The following ZMAT4 variants were observed in gnomAD, a reference collection of about 807,000 sequenced individuals.
ZMAT4 encodes the protein zinc finger matrin-type 4.
Under a neutral mutation model 28.7 loss-of-function variants are expected in ZMAT4, and 17 were observed. The observed-to-expected ratio is 0.59, with a 90% CI of 0.41 to 0.89. The LOEUF (loss-of-function observed/expected upper bound fraction) is 0.89. ZMAT4 is among the 40% of genes least tolerant of loss of function. The pLI is 0.00. For missense variants in ZMAT4, 240 were observed against 283.8 expected (o/e 0.85, Z 1.11); for synonymous variants, 117 against 109.2 (o/e 1.07, Z -0.44).
intron 2 of ZMAT4, among the ~76,000 whole-genome samples, chr8:40,821,245 G>A (rs957964863): frequency 2.0e-5 from 3 of 152,030 alleles, no homozygotes; most frequent in East Asian, 2.0e-4. Flanking sequence ...TGAAACTGCA[G>A]CAAACCACAC....
intron 6 of ZMAT4, among the ~76,000 whole-genome samples, chr8:40,555,798 C>A (rs1169472931): frequency 6.6e-6 from 1 of 152,072 alleles, no homozygotes; most frequent in Non-Finnish European, 1.5e-5. Flanking sequence ...TTCTATTCTT[C>A]CCCAAATCTC....
intron 2 of ZMAT4, among the ~76,000 whole-genome samples, chr8:40,775,006 A>AAG (rs1813532846): frequency 6.6e-6 from 1 of 152,218 alleles, no homozygotes; most frequent in African/African-American, 2.4e-5. Flanking sequence ...CAGAAAGACC[A>AAG]AGAGATTTTC....
At chr8:40,579,329 G>A (rs1804374423) in intron 6 of ZMAT4, among the ~76,000 whole-genome samples, 1 of 152,120 alleles carries the variant, frequency 6.6e-6, no homozygotes, top group African/African-American at 2.4e-5. Flanking sequence ...GTGTCTGTCT[G>A]CACATCAGAT....
intron 3 of ZMAT4, among the ~76,000 whole-genome samples, chr8:40,707,669 T>A (rs1810421635): frequency 6.6e-6 from 1 of 152,180 alleles, no homozygotes; most frequent in South Asian, 2.1e-4. Flanking sequence ...TGTATGTATG[T>A]CTGTGTGTAT....
intron 6 of ZMAT4, among the ~76,000 whole-genome samples, chr8:40,580,073 C>T (rs1804405536): frequency 7.1e-6 from 1 of 141,086 alleles, no homozygotes; most frequent in African/African-American, 2.6e-5. Context: ...AGTGCAGTGG[C>T]CTGATCTTGG....
chr8:40,782,639 T>G (rs746611448), intron 2 of ZMAT4, among the ~76,000 whole-genome samples: 1 of 152,128 alleles, frequency 6.6e-6, no homozygotes, highest in Non-Finnish European at 1.5e-5. Flanking sequence ...ATTCAAAAAC[T>G]ATTGCAAGAA....
rs1361013970 is a variant in ZMAT4 at position 40,886,770 on chromosome 8, C to T, written c.-5+10913G>A. Among the ~76,000 whole-genome samples, 6 of 152,124 alleles carry T rather than the reference C, an allele frequency of 3.9e-5. No homozygotes were observed. The East Asian group carries it at 7.7e-4, about 20-fold the overall frequency. ...TTCCTTTTTATTTTTCTTGATGTCTCATAACTTCTCCTTTCTCTTCCCACA... is the reference window on the plus strand; with the variant it reads ...TTCCTTTTTATTTTTCTTGATGTCTTATAACTTCTCCTTTCTCTTCCCACA... On this transcript the variant is annotated intron_variant, in intron 1 of 6. Transcript: ENST00000297737.
chr8:40,539,049 G>A (rs1476592410), intron 6 of ZMAT4, among the ~76,000 whole-genome samples: 1 of 152,164 alleles, frequency 6.6e-6, no homozygotes, highest in African/African-American at 2.4e-5. Context: ...CTCCCAAAGT[G>A]CTGGGATTAC....
At chr8:40,715,212 T>C (rs929119255) in intron 3 of ZMAT4, among the ~76,000 whole-genome samples, 1 of 151,988 alleles carries the variant, frequency 6.6e-6, no homozygotes, top group African/African-American at 2.4e-5. Flanking sequence ...GTGAGCAGCA[T>C]GTGCACAGAT....
intron 3 of ZMAT4, among the ~76,000 whole-genome samples, chr8:40,729,600 T>TC (rs1554547118): frequency 0.061 from 5,497 of 89,408 alleles, 281 homozygotes; most frequent in African/African-American, 0.13. Flanking sequence ...TTTCTTTCTT[T>TC]TTTTTTTTTT....
intron 1 of ZMAT4, among the ~76,000 whole-genome samples, chr8:40,870,412 T>C (rs1404875169): frequency 6.6e-6 from 1 of 152,236 alleles, no homozygotes; most frequent in Non-Finnish European, 1.5e-5. Flanking sequence ...CCTGTTAATC[T>C]GTCTTACGTC....
intron 5 of ZMAT4, among the ~76,000 whole-genome samples, chr8:40,585,817 T>G (rs544327929): frequency 6.6e-6 from 1 of 152,326 alleles, no homozygotes; most frequent in African/African-American, 2.4e-5. Context: ...GAGTTCTCCA[T>G]TAATCTTGTC....
At chr8:40,895,389 C>T (rs543864651) in intron 1 of ZMAT4, among the ~76,000 whole-genome samples, 2 of 152,352 alleles carry the variant, frequency 1.3e-5, no homozygotes, top group South Asian at 2.1e-4. Context: ...GCAGCAGAGG[C>T]GCTGGGTCCT....
intron 2 of ZMAT4, among the ~76,000 whole-genome samples, chr8:40,769,618 C>A (rs74755336): frequency 0.011 from 1,651 of 152,288 alleles, 21 homozygotes; most frequent in African/African-American, 0.038. Flanking sequence ...TAAGTGGGAA[C>A]AATGTGAGCT....
chr8:40,564,046 G>T (rs966041167), intron 6 of ZMAT4, among the ~76,000 whole-genome samples: 2 of 152,066 alleles, frequency 1.3e-5, no homozygotes, highest in Admixed American at 6.6e-5. Context: ...ATCTCCACCA[G>T]CCTTTTCTGA....
chr8:40,889,399 T>C (rs1006710643), intron 1 of ZMAT4, among the ~76,000 whole-genome samples: 1 of 152,326 alleles, frequency 6.6e-6, no homozygotes, highest in Non-Finnish European at 1.5e-5. Flanking sequence ...ACATGGATAG[T>C]CACTGCTTGA....
intron 1 of ZMAT4, among the ~76,000 whole-genome samples, chr8:40,873,377 C>T (rs1586201763): frequency 6.6e-6 from 1 of 152,290 alleles, no homozygotes; most frequent in Non-Finnish European, 1.5e-5. Context: ...TTGCCATGAC[C>T]TTTCCTGTGG....
chr8:40,797,476 T>C (rs1465301037), intron 2 of ZMAT4, among the ~76,000 whole-genome samples: 1 of 152,204 alleles, frequency 6.6e-6, no homozygotes, highest in Non-Finnish European at 1.5e-5. Flanking sequence ...TGAACTCAAC[T>C]GCATTGTCAC....
intron 1 of ZMAT4, among the ~76,000 whole-genome samples, chr8:40,857,528 G>A (rs1304797242): frequency 6.6e-6 from 1 of 152,202 alleles, no homozygotes; most frequent in African/African-American, 2.4e-5. Context: ...AATACATAGT[G>A]CTGGGGAGGA....
Sources: allele counts gnomAD v4.1 joint callset (sites outside exome capture counted in the v4.1 genomes callset), GRCh38; gene constraint gnomAD v4.1.1; transcripts MANE v1.5; gene names NCBI Gene and HGNC (gene_info 2026-07-23, HGNC 2026-07-21).